CCT5: variants seen among roughly 807,000 people sequenced by gnomAD.
CCT5 encodes the protein T-complex protein 1 subunit epsilon.
In CCT5, 6 loss-of-function variants were observed where a neutral mutation model predicts 55.0. The observed-to-expected ratio is 0.11, with a 90% CI of 0.06 to 0.22. The LOEUF (loss-of-function observed/expected upper bound fraction) is 0.22, where lower values mean the gene tolerates loss of function less well. Among genes scored for constraint, CCT5 ranks in the 10% least tolerant of loss-of-function variants. The pLI is 1.00. For missense variants in CCT5, 560 were observed against 694.6 expected, an observed-to-expected ratio of 0.81 and a Z score of 2.18; for synonymous variants, 231 against 243.7, an observed-to-expected ratio of 0.95 and a Z score of 0.49.
Position 10,260,652 on chromosome 5 carries a change from T to C in CCT5, c.874-140T>C. Reference sequence around the variant, plus strand: ...GACAGAAAAGTGGACACTTGTCTATTTCCTTCCTTCTCTTTCCTTTGCTTT... The same window carrying C: ...GACAGAAAAGTGGACACTTGTCTATCTCCTTCCTTCTCTTTCCTTTGCTTT... On this transcript the variant is annotated intron_variant, in intron 6 of 10. Transcript: ENST00000280326. The C allele has an allele frequency of 1.7e-5, 15 of 872,760 alleles. No individual in the cohort carries two copies. In the South Asian group the frequency reaches 2.0e-4, roughly 12 times the overall value. 54.1% of individuals were successfully genotyped at this position (872,760 alleles called of 1,614,324 possible). A position where few individuals can be genotyped will look rare whatever the true frequency, so the allele number is the denominator to read the frequency against.
Position 10,254,726 on chromosome 5 carries a change from T to A in CCT5, c.219T>A (p.Asp73Glu), listed in dbSNP as rs750238294. The change falls in exon 3 of 11, where the codon GAT (aspartate) becomes GAA (glutamate). Residue 73 changes from aspartate (D) to glutamate (E), a missense_variant. Physicochemically the swap from Asp to Glu is conservative, Grantham distance 45. Around this residue, in one of 4 missense-constraint regions of CCT5, gnomAD observed 137 missense variants for 181.9 expected, o/e 0.75. Transcript: ENST00000280326. The part of the protein sequence containing the change: ...DKDGDVTVTN[D>E]GATILSMMDV... ...ATGGAGATGTGACTGTAACTAATGA[T>A]GGGGCCACCATCTTAAGCATGATGG... 1 of 1,613,554 alleles carries A rather than the reference T, an allele frequency of 6.2e-7. No individual in the cohort carries two copies. Among genetic ancestry groups the A allele is most frequent in the Non-Finnish European group, 8.5e-7 (1 of 1,179,504 alleles).
rs780454592 is a variant in CCT5, at chr5:10,261,826, A to G, written c.1179+81A>G. On this transcript the variant is annotated intron_variant, in intron 8 of 10. Coordinates refer to ENST00000280326, the MANE Select transcript of CCT5 (RefSeq NM_012073.5). ...TTTTTTGCCTGTGTGTATTTAACAG[A>G]GACACAGTCACCATAAGAAAAATAA... 14 of 1,052,732 alleles carry G rather than the reference A, an allele frequency of 1.3e-5. No homozygotes were observed. In the African/African-American group the frequency reaches 1.7e-4, roughly 13 times the overall value. 65.2% of individuals were successfully genotyped at this position (1,052,732 alleles called of 1,614,324 possible). A position where few individuals can be genotyped will look rare whatever the true frequency, so the allele number is the denominator to read the frequency against.
intron 1 of CCT5, among the ~76,000 whole-genome samples, chr5:10,252,921 C>T (rs562606996): frequency 6.6e-6 from 1 of 151,856 alleles, no homozygotes; most frequent in South Asian, 2.1e-4. Flanking sequence ...TTGCTTTCTC[C>T]TTAAAAATAA....
chr5:10,255,096 C>G (rs753464213), intron 3 of CCT5: 1 of 490,954 alleles, frequency 2.0e-6, no homozygotes, highest in South Asian at 2.1e-5. Flanking sequence ...GTCTTTTAAG[C>G]TATAAAGGAT....
Position 10,260,819 on chromosome 5 carries a change from A to G in CCT5, c.901A>G (p.Ile301Val), listed in dbSNP as rs1745923550. The change falls in exon 7 of 11, where the codon ATT becomes GTT. Residue 301 changes from isoleucine (I) to valine (V), a missense_variant. This residue lies in a region of CCT5 where 256 missense variants were observed against 372.4 expected (regional missense o/e 0.69). Transcript: ENST00000280326. ...TAAAGAGACTGGTGCTAACCTAGCA[A>G]TTTGTCAGTGGGGCTTTGATGATGA... ...QIKETGANLA[I>V]CQWGFDDEAN... The G allele has an allele frequency of 6.2e-7, 1 of 1,614,044 alleles. No homozygotes were observed. Among genetic ancestry groups the G allele is most frequent in the South Asian group, 1.1e-5 (1 of 91,080 alleles).
intron 4 of CCT5, among the ~76,000 whole-genome samples, chr5:10,257,287 C>A (rs1014043916): frequency 1.3e-5 from 2 of 152,204 alleles, no homozygotes; most frequent in Non-Finnish European, 2.9e-5. Context: ...GCTCCCTAGG[C>A]AAGAGTGAGT....
At position 10,256,140 on chromosome 5, in the gene CCT5, C is replaced by A. The variant is rs1745665735; in HGVS notation, c.517C>A (p.Leu173Met). ...CCTGATTCAGACAGCAAAAACCACG[C>A]TGGGCTCCAAAGTGTACGTTTCAGT... ...EPLIQTAKTTLGSKVVNSCHR... is the reference protein window; with the variant it reads ...EPLIQTAKTTMGSKVVNSCHR... The change falls in exon 4 of 11, where the codon CTG becomes ATG. Residue 173 changes from leucine (L) to methionine (M), a missense_variant. Around this residue, in one of 4 missense-constraint regions of CCT5, gnomAD observed 256 missense variants for 372.4 expected, o/e 0.69. Transcript: ENST00000280326. The A allele has an allele frequency of 2.5e-6, 4 of 1,613,248 alleles. No individual in the cohort carries two copies. The highest frequency in any genetic ancestry group is 8.5e-7 in the Non-Finnish European group (1 of 1,179,660).
chr5:10,262,983 T>C (rs1469358730), intron 9 of CCT5, 151 bp from the exon 10 acceptor site: 2 of 727,352 alleles, frequency 2.7e-6, no homozygotes, highest in Admixed American at 2.0e-5. Context: ...GACATTATAA[T>C]ATTCTGATAG....
chr5:10,260,764 A>C, intron 6 of CCT5, 28 bp from the exon 7 acceptor site: 2 of 1,611,794 alleles, frequency 1.2e-6, no homozygotes, highest in Non-Finnish European at 1.7e-6. Context: ...ACTTTCTCTT[A>C]ATACGATTGT....
At position 10,250,320 on chromosome 5, in the gene CCT5, A is replaced by G. The variant is rs1745309328; in HGVS notation, c.-21A>G. The G allele has an allele frequency of 5.0e-6, 8 of 1,613,892 alleles. No homozygotes were observed. The highest frequency in any genetic ancestry group is 1.1e-5 in the South Asian group (1 of 91,062). ...TAGCGGTCTCCGCCGGTTGGGGGGA[A>G]GTAATTCCGGTTGTTGCACCATGGC... On this transcript the variant is annotated 5_prime_UTR_variant, in exon 1 of 11. Coordinates refer to ENST00000280326, the MANE Select transcript of CCT5 (RefSeq NM_012073.5).
At chr5:10,260,646 G>C in intron 6 of CCT5, 146 bp from the exon 7 acceptor site, 1 of 823,516 alleles carries the variant, frequency 1.2e-6, no homozygotes, top group Non-Finnish European at 2.1e-6. Flanking sequence ...GTGGACACTT[G>C]TCTATTTCCT....
At chr5:10,261,235 C>G in intron 7 of CCT5, 1 of 493,076 alleles carries the variant, frequency 2.0e-6, no homozygotes, top group African/African-American at 1.9e-5. Flanking sequence ...GTGGTTCTCA[C>G]TGCAGCGCAG....
chr5:10,254,189 A>G lies in CCT5; in HGVS notation c.150A>G (p.Thr50=). ...AAKAVANTMR[T]SLGPNGLDKM... ...AGGCTGTAGCAAATACAATGAGAAC[A>G]TCACTTGGACCAAATGGTAAGAGTC... is the stretch of plus-strand genomic sequence containing the variant. The change falls in exon 2 of 11, where the codon ACA becomes ACG. Residue 50 remains threonine (T), a synonymous_variant. Transcript: ENST00000280326. 1 of 1,606,058 alleles carries G rather than the reference A, an allele frequency of 6.2e-7. No individual in the cohort carries two copies. Among genetic ancestry groups the G allele is most frequent in the Non-Finnish European group, 8.5e-7 (1 of 1,172,734 alleles).
chr5:10,260,748 A>G (rs1407909791), intron 6 of CCT5, 44 bp from the exon 7 acceptor site: 1 of 1,609,260 alleles, frequency 6.2e-7, no homozygotes, highest in Middle Eastern at 2.1e-4. Flanking sequence ...TGAAGAATAA[A>G]TACCCACTTT....
At position 10,250,298 on chromosome 5, in the gene CCT5, C is replaced by G. The variant is rs989530755; in HGVS notation, c.-43C>G. ...GGGAAGTGCATTCTCGCTTCCGTAG[C>G]GGTCTCCGCCGGTTGGGGGGAAGTA... On this transcript the variant is annotated 5_prime_UTR_variant, in exon 1 of 11. Coordinates refer to ENST00000280326, the MANE Select transcript of CCT5 (RefSeq NM_012073.5). 1.9e-6 allele frequency: 3 copies of G among 1,613,412 alleles called. No individual in the cohort carries two copies. Among genetic ancestry groups the G allele is most frequent in the Non-Finnish European group, 2.5e-6 (3 of 1,179,878 alleles).
At position 10,261,042 on chromosome 5, in the gene CCT5, A is replaced by G. The variant is rs138650408; in HGVS notation, c.993+131A>G. On this transcript the variant is annotated intron_variant, in intron 7 of 10. Coordinates refer to ENST00000280326, the MANE Select transcript of CCT5 (RefSeq NM_012073.5). The stretch of plus-strand genomic sequence containing the variant: ...GCAGATGAGGGGAGGGTGAGCTGGG[A>G]GAGAGGAAAGCGCTGGAATCTTTGT... 8.8e-4 allele frequency: 802 copies of G among 908,908 alleles called. 1 individual carries two copies. In the African/African-American group the frequency reaches 0.012, roughly 13 times the overall value. 56.3% of individuals were successfully genotyped at this position (908,908 alleles called of 1,614,324 possible).
Position 10,265,117 on chromosome 5 carries a change from G to A in CCT5, c.*334G>A, listed in dbSNP as rs575643908. 1.7e-5 allele frequency: 5 copies of A among 290,098 alleles called. No individual in the cohort carries two copies. Among genetic ancestry groups the A allele is most frequent in the South Asian group, 3.5e-5 (1 of 28,496 alleles). 18.0% of individuals were successfully genotyped at this position (290,098 alleles called of 1,614,324 possible). A position where few individuals can be genotyped will look rare whatever the true frequency, so the allele number is the denominator to read the frequency against. ...GGATTTTTTTTTCTCAAAATAAGCT[G>A]TAGGGACTATTTTAACAGCTTAAAC... On this transcript the variant is annotated 3_prime_UTR_variant, in exon 11 of 11. Coordinates refer to ENST00000280326, the MANE Select transcript of CCT5 (RefSeq NM_012073.5).
rs765584260 is a variant in CCT5 at position 10,261,656 on chromosome 5, T to C, written c.1090T>C (p.Phe364Leu). ...GFAGLVQEIS[F>L]GTTKDKMLVI... Reference sequence around the variant, plus strand: ...TGCTGGTCTTGTACAGGAGATCTCATTTGGGACAACTAAGGATAAAATGCT... The same window carrying C: ...TGCTGGTCTTGTACAGGAGATCTCACTTGGGACAACTAAGGATAAAATGCT... The change falls in exon 8 of 11, where the codon TTT (phenylalanine) becomes CTT (leucine). Residue 364 changes from phenylalanine (F) to leucine (L), a missense_variant. Coordinates refer to ENST00000280326, the MANE Select transcript of CCT5 (RefSeq NM_012073.5). The C allele has an allele frequency of 6.1e-5, 99 of 1,614,008 alleles. No individual in the cohort carries two copies. The highest frequency in any genetic ancestry group is 8.0e-5 in the Non-Finnish European group (94 of 1,179,996).
intron 1 of CCT5, among the ~76,000 whole-genome samples, chr5:10,253,914 A>G (rs558301075): frequency 1.3e-5 from 2 of 152,350 alleles, no homozygotes; most frequent in East Asian, 3.9e-4. Flanking sequence ...TGTGTTGAAA[A>G]TTCAGTGAGA....
Sources: gnomAD v4.1 joint callset for allele counts (sites outside exome capture counted in the v4.1 genomes callset) on GRCh38, gnomAD v4.1.1 for gene constraint, gnomAD v4.1.1 regional missense constraint, MANE v1.5 for transcripts, NCBI Gene and HGNC (gene_info 2026-07-23, HGNC 2026-07-21) for gene names.